The following AGPAT3 variants were observed in gnomAD, a reference collection of about 807,000 sequenced individuals.
AGPAT3 encodes the protein 1-acylglycerol-3-phosphate O-acyltransferase 3.
AGPAT3 carries 5 observed loss-of-function variants against 47.3 expected under a neutral mutation model. That is an observed-to-expected ratio of 0.11 (90% CI 0.06 to 0.22). The LOEUF is 0.22. Ranked by LOEUF, AGPAT3 falls within the 10% of genes least tolerant of loss-of-function variation. The pLI, the probability that AGPAT3 is intolerant of heterozygous loss-of-function variation, is 1.00. For synonymous variants in AGPAT3, 212 were observed against 208.3 expected, an observed-to-expected ratio of 1.02 and a Z score of -0.15; for missense variants, 315 against 493.0, an observed-to-expected ratio of 0.64 and a Z score of 3.42.
chr21:43,968,805 C>A (rs2089266624), intron 4 of AGPAT3, among the ~76,000 whole-genome samples: 1 of 152,184 alleles, frequency 6.6e-6, no homozygotes, highest in African/African-American at 2.4e-5. Flanking sequence ...AGAAGAATTT[C>A]ATTGCAGTCA....
In AGPAT3 at chr21:43,970,800, G is replaced by A. The variant is rs750604406; in HGVS notation, c.658G>A (p.Gly220Arg). The stretch of plus-strand genomic sequence containing the variant: ...CACCACCGCAGTCAAGTGCCTCCGG[G>A]GGACAGGTAGGCCCCAGACTGCCCG... The part of the protein sequence containing the change: ...GFTTAVKCLR[G>R]TVAAVYDVTL... The change falls in exon 6 of 10, where the codon GGG becomes AGG. Residue 220 changes from glycine (G) to arginine (R), a missense_variant. Physicochemically the swap from Gly to Arg is moderately radical, Grantham distance 125 (BLOSUM62 -2). Coordinates refer to ENST00000291572, the MANE Select transcript of AGPAT3 (RefSeq NM_020132.5). This position sits in a 1 kb window ranked among gnomAD's most constrained non-coding sequence, Gnocchi z 5.8. The A allele has an allele frequency of 6.3e-7, 1 of 1,578,878 alleles. No homozygotes were observed. The highest frequency in any genetic ancestry group is 8.6e-7 in the Non-Finnish European group (1 of 1,156,798).
At position 43,930,624 on chromosome 21, in the gene AGPAT3, G is replaced by T. The variant is rs1426423615; in HGVS notation, c.-49+26605G>T. Among the ~76,000 whole-genome samples the T allele has an allele frequency of 2.6e-5, 4 of 151,820 alleles. No homozygotes were observed. In the South Asian group the frequency reaches 8.4e-4, roughly 32 times the overall value. Reference sequence around the variant, plus strand: ...CCACAGTGGGCAGGCCTGGCGGGGTGAGGGTGGGTGGGTGTTTCTGTCGGG... The same window carrying T: ...CCACAGTGGGCAGGCCTGGCGGGGTTAGGGTGGGTGGGTGTTTCTGTCGGG... On this transcript the variant is annotated intron_variant, in intron 2 of 9. Transcript: ENST00000291572. The surrounding 1 kb of genome is among the most constrained non-coding windows in gnomAD (Gnocchi z 5.0).
At chr21:43,879,729 G>T (rs2085814217) in intron 1 of AGPAT3, among the ~76,000 whole-genome samples, 2 of 152,236 alleles carry the variant, frequency 1.3e-5, no homozygotes, top group African/African-American at 4.8e-5. Flanking sequence ...CATGTTGTGT[G>T]TGGCTGTCTG....
At chr21:43,942,817 G>A (rs879461290) in intron 2 of AGPAT3, among the ~76,000 whole-genome samples, 3 of 152,208 alleles carry the variant, frequency 2.0e-5, no homozygotes, top group Admixed American at 1.3e-4. Context: ...GGAGGAGGGT[G>A]GCACGGCGGT....
At chr21:43,890,224 T>G (rs1354157325) in intron 1 of AGPAT3, among the ~76,000 whole-genome samples, 1 of 152,104 alleles carries the variant, frequency 6.6e-6, no homozygotes, top group Non-Finnish European at 1.5e-5. Context: ...TTTGAAAGTG[T>G]GTGGCCCCTC....
chr21:43,961,739 G>T lies in AGPAT3; in HGVS notation c.178+1880G>T, dbSNP rs1011862053. Among the ~76,000 whole-genome samples, 112 of 149,814 alleles carry T rather than the reference G, an allele frequency of 7.5e-4. 1 individual carries two copies. Among genetic ancestry groups the T allele is most frequent in the Non-Finnish European group, 2.1e-4 (14 of 67,528 alleles). On this transcript the variant is annotated intron_variant, in intron 3 of 9. Transcript: ENST00000291572. ...ATACACTTTGTCTCATATGGAAAAC[G>T]GTGAGCGCGTATACACTTTGTCTCA...
chr21:43,987,365 G>C lies in AGPAT3; in HGVS notation c.*4973G>C, dbSNP rs1400538085. Among the ~76,000 whole-genome samples the C allele has an allele frequency of 3.9e-5, 6 of 152,086 alleles. No homozygotes were observed. Among genetic ancestry groups the C allele is most frequent in the Non-Finnish European group, 7.4e-5 (5 of 68,002 alleles). ...AAATTGAAAAGGAGAGCGGTCACCT[G>C]GCAAAAACACAGGGGAAATCAGCCA... is the stretch of plus-strand genomic sequence containing the variant. On this transcript the variant is annotated 3_prime_UTR_variant, in exon 10 of 10. Coordinates refer to ENST00000291572, the MANE Select transcript of AGPAT3 (RefSeq NM_020132.5).
chr21:43,958,063 G>T (rs769730222), intron 2 of AGPAT3, among the ~76,000 whole-genome samples: 3 of 152,248 alleles, frequency 2.0e-5, no homozygotes, highest in Non-Finnish European at 4.4e-5. Context: ...TGAGGGGTTT[G>T]TGAGGCCTCC....
chr21:43,959,976 C>T (rs769573931), intron 3 of AGPAT3, 117 bp downstream of exon 3: 20 of 1,148,886 alleles, frequency 1.7e-5, no homozygotes, highest in African/African-American at 3.1e-5. Flanking sequence ...CAGGAGGTGC[C>T]GAGGCCATCT....
intron 2 of AGPAT3, among the ~76,000 whole-genome samples, chr21:43,948,851 C>T (rs1474354134): frequency 2.0e-5 from 3 of 152,172 alleles, no homozygotes; most frequent in Non-Finnish European, 2.9e-5. Flanking sequence ...GTGCTTCATG[C>T]ACATGGGATC....
chr21:43,941,614 G>A (rs1569077754), intron 2 of AGPAT3, among the ~76,000 whole-genome samples: 1 of 152,224 alleles, frequency 6.6e-6, no homozygotes, highest in Non-Finnish European at 1.5e-5. Context: ...GGGCCTCTGA[G>A]AGTTTGAGCA....
chr21:43,932,323 C>T lies in AGPAT3; in HGVS notation c.-48-27311C>T, dbSNP rs138453489. On this transcript the variant is annotated intron_variant, in intron 2 of 9. Transcript: ENST00000291572. This position sits in a 1 kb window ranked among gnomAD's most constrained non-coding sequence, Gnocchi z 5.2. ...CTCCTCCCAGTTCTGGTGAGACCTCCGTTTCCGATTCCTCGTGTGAGTGAG... is the reference window on the plus strand; with the variant it reads ...CTCCTCCCAGTTCTGGTGAGACCTCTGTTTCCGATTCCTCGTGTGAGTGAG... Among the ~76,000 whole-genome samples the T allele has an allele frequency of 1.6e-4, 24 of 152,316 alleles. No individual in the cohort carries two copies. The East Asian group carries it at 3.1e-3, about 20-fold the overall frequency.
intron 2 of AGPAT3, among the ~76,000 whole-genome samples, chr21:43,931,140 G>A (rs755484636): frequency 1.3e-5 from 2 of 152,186 alleles, no homozygotes; most frequent in Non-Finnish European, 2.9e-5. Context: ...GACACTGGAT[G>A]AGGGGGAGTG....
At chr21:43,896,212 T>G (rs1330119534) in intron 1 of AGPAT3, among the ~76,000 whole-genome samples, 3 of 152,268 alleles carry the variant, frequency 2.0e-5, no homozygotes, top group African/African-American at 7.2e-5. Context: ...CCGTGATAAC[T>G]GTTTTTAACT....
chr21:43,881,987 T>C (rs2085863624), intron 1 of AGPAT3, among the ~76,000 whole-genome samples: 2 of 152,268 alleles, frequency 1.3e-5, no homozygotes, highest in African/African-American at 2.4e-5. Context: ...CAATTTCTTT[T>C]TACTTTTGAA....
intron 2 of AGPAT3, among the ~76,000 whole-genome samples, chr21:43,907,029 CTTTTTTTTTTT>C (rs760824887): frequency 1.6e-5 from 2 of 128,816 alleles, no homozygotes; most frequent in Admixed American, 1.5e-4. Context: ...TCTTTTCTTT[CTTTTTTTTTTT>C]TTTTTTTTTG....
chr21:43,885,892 T>G (rs975765494), intron 1 of AGPAT3, among the ~76,000 whole-genome samples: 3 of 152,188 alleles, frequency 2.0e-5, no homozygotes, highest in African/African-American at 7.2e-5. Flanking sequence ...GGGTAAGCAG[T>G]GTTTTCAGGA....
intron 2 of AGPAT3, among the ~76,000 whole-genome samples, chr21:43,938,233 A>C (rs894164979): frequency 4.0e-5 from 6 of 149,558 alleles, no homozygotes; most frequent in Admixed American, 3.3e-4. Flanking sequence ...GAGCTAAGTT[A>C]GTTAACATCG....
rs1373918567 is a variant in AGPAT3 at position 43,922,209 on chromosome 21, G to A, written c.-49+18190G>A. 1.6e-4 allele frequency among the ~76,000 whole-genome samples: 25 copies of A among 152,168 alleles called. No homozygotes were observed. The highest frequency in any genetic ancestry group is 3.7e-4 in the Non-Finnish European group (25 of 68,030). On this transcript the variant is annotated intron_variant, in intron 2 of 9. Coordinates refer to ENST00000291572, the MANE Select transcript of AGPAT3 (RefSeq NM_020132.5). The surrounding 1 kb of genome is among the most constrained non-coding windows in gnomAD (Gnocchi z 4.9). ...GAGTCGCACAGAGCACGTGTGTGATGCATTTATCAGGGCCTTTCTCAGCCT... is the reference window on the plus strand; with the variant it reads ...GAGTCGCACAGAGCACGTGTGTGATACATTTATCAGGGCCTTTCTCAGCCT...
Sources: gnomAD v4.1 joint callset for allele counts (sites outside exome capture counted in the v4.1 genomes callset) on GRCh38, gnomAD v4.1.1 for gene constraint, Gnocchi (gnomAD v3.1) non-coding constraint, MANE v1.5 for transcripts, NCBI Gene and HGNC (gene_info 2026-07-23, HGNC 2026-07-21) for gene names.